USP9X: variants seen among roughly 807,000 people sequenced by gnomAD.
USP9X encodes ubiquitin carboxyl-terminal hydrolase 9X.
USP9X carries 7 observed loss-of-function variants against 190.3 expected under a neutral mutation model. That is an observed-to-expected ratio of 0.04 (90% CI 0.02 to 0.07). The LOEUF (loss-of-function observed/expected upper bound fraction) is 0.07. Among genes scored for constraint, USP9X ranks in the 10% least tolerant of loss-of-function variants. The pLI is 1.00. For synonymous variants in USP9X, 645 were observed against 659.5 expected (o/e 0.98, Z 0.34); for missense variants, 1,010 against 1,916.9 (o/e 0.53, Z 8.83).
chrX:41,230,678 G>C, intron 44 of USP9X, 82 bp downstream of exon 44: 2 of 834,073 alleles, frequency 2.4e-6, no homozygotes, highest in Non-Finnish European at 3.5e-6. Flanking sequence ...ATTGTTTGTT[G>C]TGACTACAAA....
chrX:41,087,380 T>G (rs12856647), intron 1 of USP9X, among the ~76,000 whole-genome samples: 15,153 of 111,855 alleles, frequency 0.14, 923 homozygotes, highest in East Asian at 0.26. Flanking sequence ...TCCTTAACCA[T>G]GACTAGCTTG....
At chrX:41,104,375 C>T (rs2062054461) in intron 1 of USP9X, among the ~76,000 whole-genome samples, 1 of 112,014 alleles carries the variant, frequency 8.9e-6, no homozygotes, top group Admixed American at 9.5e-5. Context: ...ACGGCCTATA[C>T]CTTTAACTTG....
chrX:41,093,236 A>G (rs2061966582), intron 1 of USP9X, among the ~76,000 whole-genome samples: 2 of 112,164 alleles, frequency 1.8e-5, no homozygotes, highest in Admixed American at 9.5e-5. Flanking sequence ...AAACTTCTGT[A>G]CATTAGCTGA....
At position 41,109,773 on chromosome X, in the gene USP9X, G is replaced by T. The variant is rs756932320; in HGVS notation, c.-158-13698G>T. 3.6e-5 allele frequency among the ~76,000 whole-genome samples: 4 copies of T among 111,247 alleles called. No homozygotes were observed. The South Asian group carries it at 1.1e-3, about 32-fold the overall frequency. On this transcript the variant is annotated intron_variant, in intron 1 of 44. Transcript: ENST00000378308. ...AGAAGTAGCATCACACTGGGGATGGGGGGGGCAGGAAACCTGTGCTTAATA... is the reference window on the plus strand; with the variant it reads ...AGAAGTAGCATCACACTGGGGATGGTGGGGGCAGGAAACCTGTGCTTAATA...
At chrX:41,215,072 C>T (rs999033970) in intron 34 of USP9X, among the ~76,000 whole-genome samples, 4 of 111,971 alleles carry the variant, frequency 3.6e-5, no homozygotes, top group African/African-American at 1.3e-4. Flanking sequence ...AAACATTTCT[C>T]CTGTCATGTC....
chrX:41,172,106 C>T, intron 21 of USP9X, 148 bp downstream of exon 21: 2 of 621,889 alleles, frequency 3.2e-6, no homozygotes, highest in South Asian at 5.7e-5. Context: ...AAGCCCCCTG[C>T]TTGTTTTTGT....
intron 1 of USP9X, among the ~76,000 whole-genome samples, chrX:41,120,881 C>A (rs1434514540): frequency 4.7e-5 from 5 of 106,298 alleles, no homozygotes; most frequent in Non-Finnish European, 1.9e-5. Context: ...CTGTGTTGCC[C>A]AGGCTGGAGT....
intron 26 of USP9X, among the ~76,000 whole-genome samples, chrX:41,194,799 T>A (rs2062968061): frequency 9.0e-6 from 1 of 111,256 alleles, no homozygotes; most frequent in Non-Finnish European, 1.9e-5. Flanking sequence ...ATTTGATAAC[T>A]GGTTCTTGAG....
intron 13 of USP9X, among the ~76,000 whole-genome samples, chrX:41,151,796 C>CATGGCGAAACCCCGTCTCT (rs1472290979): frequency 1.8e-5 from 2 of 112,487 alleles, no homozygotes; most frequent in Non-Finnish European, 3.8e-5. Context: ...GCCTGGCCAA[C>CATGGCGAAACCCCGTCTCT]ATGGCGAAAC....
Position 41,233,364 on chromosome X carries a change from G to A in USP9X, c.*840G>A, listed in dbSNP as rs1460689316. 1 of 112,106 alleles carries A rather than the reference G, an allele frequency of 8.9e-6. No homozygotes were observed. The highest frequency in any genetic ancestry group is 3.2e-5 in the African/African-American group (1 of 30,880). 9.2% of individuals were successfully genotyped at this position (112,106 alleles called of 1,213,427 possible). On this transcript the variant is annotated 3_prime_UTR_variant, in exon 45 of 45. Transcript: ENST00000378308. ...TGCACATATGTTCCTTATATATAAT[G>A]TTTGACAGTTCAATCTCTGGGTGGA... is the stretch of plus-strand genomic sequence containing the variant.
chrX:41,131,542 TTA>T lies in USP9X; in HGVS notation c.322+10_322+11del. 8.5e-7 allele frequency: 1 copy of T among 1,177,036 alleles called. No individual in the cohort carries two copies. ...TATTGATCTTAGTAAAAAGGGTAAG[TTA>T]TATGTTTTTATGCTTCCTATAATGT... On this transcript the variant is annotated splice_region_variant and intron_variant, in intron 4 of 44. Transcript: ENST00000378308.
At chrX:41,179,183 C>T (rs1357538318) in intron 21 of USP9X, among the ~76,000 whole-genome samples, 3 of 111,833 alleles carry the variant, frequency 2.7e-5, no homozygotes, top group African/African-American at 6.5e-5. Context: ...AAGATTGATT[C>T]GGCTATTTGG....
intron 1 of USP9X, among the ~76,000 whole-genome samples, chrX:41,094,093 G>A (rs2061972148): frequency 9.0e-6 from 1 of 111,499 alleles, no homozygotes; most frequent in Admixed American, 9.6e-5. Context: ...TTGACTTGGA[G>A]CATGCTGAGC....
rs752136804 is a variant in USP9X at position 41,165,168 on chromosome X, T to C, written c.1986-704T>C. 6.0e-5 allele frequency among the ~76,000 whole-genome samples: 5 copies of C among 82,805 alleles called. No homozygotes were observed. In the South Asian group the frequency reaches 3.1e-3, roughly 51 times the overall value. 71.9% of individuals were successfully genotyped at this position (82,805 alleles called of 115,157 possible). On this transcript the variant is annotated intron_variant, in intron 15 of 44. Transcript: ENST00000378308. ...TATAAGCAGGCTGCTAAGTCTTTTT[T>C]CTGGTTGTTGTTGTTGGAGACAGGG...
chrX:41,232,343 C>T, intron 44 of USP9X, 44 bp from the exon 45 acceptor site: 1 of 1,174,760 alleles, frequency 8.5e-7, no homozygotes, highest in Non-Finnish European at 1.1e-6. Flanking sequence ...AGTTGTTTTA[C>T]TATGTGAAAA....
chrX:41,161,011 A>AATGTTACT (rs1274093680), intron 14 of USP9X, among the ~76,000 whole-genome samples: 1 of 111,253 alleles, frequency 9.0e-6, no homozygotes, highest in Non-Finnish European at 1.9e-5. Context: ...AGAAGCCTGG[A>AATGTTACT]ATGTTACTAA....
At chrX:41,168,387 A>G (rs1208107100) in intron 18 of USP9X, 169 bp downstream of exon 18, 8 of 411,212 alleles carry the variant, frequency 1.9e-5, no homozygotes, top group Non-Finnish European at 3.1e-5. Context: ...CCACTCTCCC[A>G]TCTGGTTTTG....
chrX:41,092,541 C>G (rs774880303), intron 1 of USP9X, among the ~76,000 whole-genome samples: 2 of 111,500 alleles, frequency 1.8e-5, no homozygotes, highest in Non-Finnish European at 3.8e-5. Flanking sequence ...GATCAGTAAA[C>G]TTTTTCTGTA....
intron 1 of USP9X, among the ~76,000 whole-genome samples, chrX:41,122,210 G>T (rs1017781609): frequency 1.1e-4 from 12 of 110,868 alleles, no homozygotes; most frequent in African/African-American, 3.6e-4. Flanking sequence ...GGTAGGTTTG[G>T]TTTCTTCTCT....
Sources: gnomAD v4.1 joint callset for allele counts (sites outside exome capture counted in the v4.1 genomes callset) on GRCh38, gnomAD v4.1.1 for gene constraint, MANE v1.5 for transcripts, NCBI Gene and HGNC (gene_info 2026-07-23, HGNC 2026-07-21) for gene names.